DCT: variants seen among roughly 807,000 people sequenced by gnomAD.
DCT encodes the protein dopachrome tautomerase.
Under a neutral mutation model 53.0 loss-of-function variants are expected in DCT, and 47 were observed. The ratio of observed to expected loss-of-function variants is 0.89; its 90% CI spans 0.70 to 1.13. The LOEUF (loss-of-function observed/expected upper bound fraction) is 1.13. DCT is among the 50% of genes most tolerant of loss of function. The probability of loss-of-function intolerance (pLI) is 0.00; values close to 1 mark genes in which losing one functional copy is unlikely to be tolerated. For missense variants in DCT, 669 were observed against 637.4 expected, an observed-to-expected ratio of 1.05 and a Z score of -0.53; for synonymous variants, 244 against 237.0, an observed-to-expected ratio of 1.03 and a Z score of -0.27.
rs981056645 is a variant in DCT at position 94,436,992 on chromosome 13, T to C, written c.*2906A>G. 5 of 152,188 alleles carry C rather than the reference T, an allele frequency of 3.3e-5. No homozygotes were observed. Among genetic ancestry groups the C allele is most frequent in the African/African-American group, 4.8e-5 (2 of 41,444 alleles). 9.4% of individuals were successfully genotyped at this position (152,188 alleles called of 1,614,324 possible). Reference sequence around the variant, plus strand: ...TAGCTACTGCAGGACCTCTCTTCCCTGGTCAGTCACTTGAAGCAGCCACCT... The same window carrying C: ...TAGCTACTGCAGGACCTCTCTTCCCCGGTCAGTCACTTGAAGCAGCCACCT... On this transcript the variant is annotated 3_prime_UTR_variant, in exon 8 of 8. Transcript: ENST00000377028.
chr13:94,529,327 C>G, the DCT span, among the ~76,000 whole-genome samples: 2 of 152,216 alleles, frequency 1.3e-5, no homozygotes, highest in Non-Finnish European at 2.9e-5. Context: ...CCCAAATCAA[C>G]AGAATATACA....
chr13:94,508,132 C>T, the DCT span, among the ~76,000 whole-genome samples: 2 of 152,126 alleles, frequency 1.3e-5, no homozygotes, highest in African/African-American at 2.4e-5. Context: ...TTATGTATTA[C>T]GTTGGTGGTA....
chr13:94,459,218 T>C (rs1476536688), intron 6 of DCT, among the ~76,000 whole-genome samples: 3 of 152,132 alleles, frequency 2.0e-5, no homozygotes, highest in African/African-American at 7.2e-5. Flanking sequence ...GAAATCAAAC[T>C]GATATACCAA....
At chr13:94,545,837 T>C in the DCT span, among the ~76,000 whole-genome samples, 1 of 152,058 alleles carries the variant, frequency 6.6e-6, no homozygotes, top group Non-Finnish European at 1.5e-5. Flanking sequence ...TCACAAGACC[T>C]GAAAAGCCTT....
At chr13:94,448,843 G>A (rs1882897875) in intron 6 of DCT, among the ~76,000 whole-genome samples, 1 of 151,922 alleles carries the variant, frequency 6.6e-6, no homozygotes, top group Non-Finnish European at 1.5e-5. Context: ...GGTGGAGGCT[G>A]CAATGAGCCA....
At chr13:94,451,671 T>C (rs1397005297) in intron 6 of DCT, among the ~76,000 whole-genome samples, 2 of 152,124 alleles carry the variant, frequency 1.3e-5, no homozygotes, top group East Asian at 1.9e-4. Context: ...TGTACAATAA[T>C]AGGACATTCT....
chr13:94,518,091 AGGAGAAGGGAAACGAAG>A, the DCT span, among the ~76,000 whole-genome samples: 5 of 148,892 alleles, frequency 3.4e-5, no homozygotes, highest in Admixed American at 6.8e-5. Context: ...GAAGGAAGGA[AGGAGAAGGGAAACGAAG>A]GGAAGGAAGG....
At chr13:94,528,514 C>T in the DCT span, among the ~76,000 whole-genome samples, 1 of 152,154 alleles carries the variant, frequency 6.6e-6, no homozygotes, top group African/African-American at 2.4e-5. Context: ...GAATTTTCAA[C>T]CCAGAATCTC....
chr13:94,452,710 T>TA, intron 6 of DCT: 1 of 690,376 alleles, frequency 1.4e-6, no homozygotes, highest in Non-Finnish European at 2.6e-6. Context: ...AATTTAAAAT[T>TA]AAAATAATAC....
At chr13:94,511,018 G>A in the DCT span, among the ~76,000 whole-genome samples, 2 of 152,124 alleles carry the variant, frequency 1.3e-5, no homozygotes, top group African/African-American at 4.8e-5. Flanking sequence ...GGCTTTCAGT[G>A]GTCTATCTTC....
At chr13:94,502,039 CTGAGG>C in the DCT span, among the ~76,000 whole-genome samples, 53 of 84,112 alleles carry the variant, frequency 6.3e-4, no homozygotes, top group South Asian at 1.2e-3. Flanking sequence ...GCCCCCACTT[CTGAGG>C]CTCTGCTGAG....
At chr13:94,476,113 A>T (rs764954336) in intron 1 of DCT, among the ~76,000 whole-genome samples, 5 of 151,042 alleles carry the variant, frequency 3.3e-5, no homozygotes, top group Non-Finnish European at 2.9e-5. Context: ...ACTTCCTTAC[A>T]GCCTGGACTT....
the DCT span, among the ~76,000 whole-genome samples, chr13:94,502,612 G>C: frequency 6.9e-4 from 105 of 152,214 alleles, 1 homozygote; most frequent in African/African-American, 2.5e-3. Context: ...TCGCTTGCTT[G>C]GCCTCTTTGT....
At chr13:94,537,594 A>G in the DCT span, among the ~76,000 whole-genome samples, 1 of 152,352 alleles carries the variant, frequency 6.6e-6, no homozygotes, top group African/African-American at 2.4e-5. Context: ...AAGAAGATGT[A>G]GAGCCTTTTT....
chr13:94,531,309 C>T, the DCT span, among the ~76,000 whole-genome samples: 2 of 152,072 alleles, frequency 1.3e-5, no homozygotes, highest in African/African-American at 4.8e-5. Flanking sequence ...TCATATGGAA[C>T]CAAAAAAGAG....
At chr13:94,498,464 C>T in the DCT span, among the ~76,000 whole-genome samples, 1 of 152,178 alleles carries the variant, frequency 6.6e-6, no homozygotes, top group Non-Finnish European at 1.5e-5. Context: ...GGGTGGAGCC[C>T]TCATGAATGG....
chr13:94,548,756 C>T, the DCT span, among the ~76,000 whole-genome samples: 1 of 152,130 alleles, frequency 6.6e-6, no homozygotes, highest in East Asian at 1.9e-4. Flanking sequence ...GAGCACGGGT[C>T]AAAGTTCTAT....
chr13:94,479,700 G>C (rs1467338405), upstream of DCT: 1 of 158,342 alleles, frequency 6.3e-6, no homozygotes, highest in African/African-American at 2.4e-5. Context: ...CAAACACCGT[G>C]CTGCTTTTAT....
At chr13:94,474,560 C>T (rs1884957308) in intron 1 of DCT, among the ~76,000 whole-genome samples, 3 of 152,212 alleles carry the variant, frequency 2.0e-5, no homozygotes, top group Admixed American at 1.3e-4. Context: ...AAGAAGTTCA[C>T]CGTCAACTGT....
Sources: gnomAD v4.1 joint callset for allele counts (sites outside exome capture counted in the v4.1 genomes callset) on GRCh38, gnomAD v4.1.1 for gene constraint, MANE v1.5 for transcripts, NCBI Gene and HGNC (gene_info 2026-07-23, HGNC 2026-07-21) for gene names.